LPIN1: variants seen among roughly 807,000 people sequenced by gnomAD.
LPIN1 encodes lipin 1.
A neutral mutation model predicts 107.5 loss-of-function variants in LPIN1; 71 were observed. The ratio of observed to expected loss-of-function variants is 0.66; its 90% CI spans 0.55 to 0.80. The LOEUF is 0.80. Among genes scored for constraint, LPIN1 ranks in the 30% least tolerant of loss-of-function variants. The pLI is 0.00. For missense variants in LPIN1, 1,043 were observed against 1,160.6 expected, an observed-to-expected ratio of 0.90 and a Z score of 1.47; for synonymous variants, 445 against 452.6, an observed-to-expected ratio of 0.98 and a Z score of 0.21.
At chr2:11,723,841 G>T (rs1296600449), upstream of LPIN1, 3 of 152,156 alleles carry the variant, frequency 2.0e-5, no homozygotes, top group Non-Finnish European at 2.9e-5. Context: ...TCTAATTTTA[G>T]TTGATTGGAC....
Position 11,786,166 on chromosome 2 carries a change from G to A in LPIN1, c.1550-908G>A, listed in dbSNP as rs890679342. Among the ~76,000 whole-genome samples the A allele has an allele frequency of 6.6e-6, 1 of 152,130 alleles. No individual in the cohort carries two copies. On this transcript the variant is annotated intron_variant, in intron 10 of 20. Transcript: ENST00000674199. This position sits in a 1 kb window ranked among gnomAD's most constrained non-coding sequence, Gnocchi z 4.1. ...CAGTCCTTACAGGTGAGGCCAGATCGTCACAGTCAGGAGACCCCAGGAGAG... is the reference window on the plus strand; with the variant it reads ...CAGTCCTTACAGGTGAGGCCAGATCATCACAGTCAGGAGACCCCAGGAGAG...
rs113864436 is a variant in LPIN1, at chr2:11,765,764, C to G, written c.192+31C>G. 2 of 1,590,918 alleles carry G rather than the reference C, an allele frequency of 1.3e-6. No homozygotes were observed. Among genetic ancestry groups the G allele is most frequent in the East Asian group, 2.2e-5 (1 of 44,598 alleles). On this transcript the variant is annotated intron_variant, in intron 2 of 20. Coordinates refer to ENST00000674199, the MANE Select transcript of LPIN1 (RefSeq NM_001349206.2). The surrounding 1 kb of genome is among the most constrained non-coding windows in gnomAD (Gnocchi z 4.4). ...CTCTCAGGGCACGGGGACCTGGCAC[C>G]GGCTCTCCTTAGAGAATGCCCTTGT...
intron 14 of LPIN1, among the ~76,000 whole-genome samples, chr2:11,796,518 G>A (rs942166428): frequency 6.6e-6 from 1 of 152,134 alleles, no homozygotes. Flanking sequence ...CGAGTGTGCG[G>A]GACCTGGTAG....
intron 7 of LPIN1, among the ~76,000 whole-genome samples, chr2:11,781,085 C>T (rs1279111648): frequency 3.3e-5 from 5 of 152,204 alleles, no homozygotes; most frequent in Non-Finnish European, 7.4e-5. Context: ...GCTATAGCCT[C>T]TTGCATCCCC....
chr2:11,746,774 G>A, intron 1 of LPIN1, 103 bp downstream of exon 1: 1 of 550,926 alleles, frequency 1.8e-6, no homozygotes, highest in South Asian at 7.8e-5. Context: ...CGCGTGGCGA[G>A]GCGGGGGCTC....
rs1477137750 is a variant in LPIN1, at chr2:11,694,098, T to C, written c.81+16370T>C. ...ATCCACCTGCCTTGGCCTCCCAAAG[T>C]GCTGGGATTACATGCGTGAGCCACC... On this transcript the variant is annotated intron_variant, in intron 1 of 21. Transcript: ENST00000449576. Among the ~76,000 whole-genome samples, 4 of 151,864 alleles carry C rather than the reference T, an allele frequency of 2.6e-5. No homozygotes were observed. In the East Asian group the frequency reaches 7.7e-4, roughly 29 times the overall value.
rs1406760810 is a variant in LPIN1 at position 11,791,665 on chromosome 2, T to G, written c.1714-249T>G. Reference sequence around the variant, plus strand: ...TTTTTTTGTTGTTGTTGTTGTGTTGTATTTTATTTGTTGTTTGTTTATTCC... The same window carrying G: ...TTTTTTTGTTGTTGTTGTTGTGTTGGATTTTATTTGTTGTTTGTTTATTCC... On this transcript the variant is annotated intron_variant, in intron 12 of 20. Coordinates refer to ENST00000674199, the MANE Select transcript of LPIN1 (RefSeq NM_001349206.2). 3 of 1,323,960 alleles carry G rather than the reference T, an allele frequency of 2.3e-6. No homozygotes were observed. The East Asian group carries it at 1.3e-4, about 57-fold the overall frequency. 82.0% of individuals were successfully genotyped at this position (1,323,960 alleles called of 1,614,324 possible).
At chr2:11,693,936 G>A (rs1336945019) in intron 1 of LPIN1, among the ~76,000 whole-genome samples, 6 of 142,274 alleles carry the variant, frequency 4.2e-5, no homozygotes, top group African/African-American at 1.6e-4. Flanking sequence ...CTGGGTTCAA[G>A]TGATTCTCCT....
chr2:11,748,123 G>GT (rs1431031532), intron 1 of LPIN1, among the ~76,000 whole-genome samples: 2 of 152,330 alleles, frequency 1.3e-5, no homozygotes, highest in East Asian at 3.9e-4. Context: ...GGGATTCCTG[G>GT]TTGTAGGGGG....
intron 19 of LPIN1, 148 bp from the exon 20 acceptor site, chr2:11,820,263 T>G (rs1681283803): frequency 3.1e-6 from 2 of 648,736 alleles, no homozygotes; most frequent in South Asian, 3.5e-5. Flanking sequence ...TAGTTTCCCA[T>G]CAAAGGATAT....
chr2:11,824,596 C>G lies in LPIN1; in HGVS notation c.2622-36C>G, dbSNP rs200886792. The G allele has an allele frequency of 2.0e-4, 324 of 1,612,468 alleles. 1 individual carries two copies. Among genetic ancestry groups the G allele is most frequent in the Non-Finnish European group, 2.6e-4 (304 of 1,178,712 alleles). On this transcript the variant is annotated intron_variant, in intron 20 of 20. Transcript: ENST00000674199. ...GCAGCCCTGGGTGCATAGCTGGTAT[C>G]GCTCAGTGCCAGTGACAATGTCCCT...
chr2:11,744,323 T>A (rs1406453686), upstream of LPIN1, among the ~76,000 whole-genome samples: 2 of 152,224 alleles, frequency 1.3e-5, no homozygotes, highest in Non-Finnish European at 2.9e-5. Flanking sequence ...CCAGGGGGAC[T>A]CCAGCCAGTG....
At chr2:11,689,977 C>T (rs552122702) in intron 1 of LPIN1, among the ~76,000 whole-genome samples, 1 of 152,342 alleles carries the variant, frequency 6.6e-6, no homozygotes, top group South Asian at 2.1e-4. Flanking sequence ...TTTATTACTT[C>T]TATACTCCTG....
At chr2:11,821,898 A>G (rs985044396) in intron 20 of LPIN1, among the ~76,000 whole-genome samples, 1 of 152,210 alleles carries the variant, frequency 6.6e-6, no homozygotes, top group African/African-American at 2.4e-5. Flanking sequence ...AGGCAGTGCC[A>G]GGCTGCTTCC....
rs771049586 is a variant in LPIN1, at chr2:11,784,915, C to T, written c.1388C>T (p.Ala463Val). 9 of 1,613,866 alleles carry T rather than the reference C, an allele frequency of 5.6e-6. No homozygotes were observed. Among genetic ancestry groups the T allele is most frequent in the Admixed American group, 5.0e-5 (3 of 60,006 alleles). The change falls in exon 10 of 21, where the codon GCA (alanine) becomes GTA (valine). Residue 463 changes from alanine to valine, a missense_variant. By Grantham distance (64) the Ala-to-Val change is moderately conservative. Coordinates refer to ENST00000674199, the MANE Select transcript of LPIN1 (RefSeq NM_001349206.2). ...NGDPSGLAKH[A>V]SDNGARSANQ... ...GATCCTTCCGGACTCGCAAAACATG[C>T]AAGCGACAACGGAGCCCGGTCAGCC...
intron 14 of LPIN1, among the ~76,000 whole-genome samples, chr2:11,801,931 A>T (rs931959687): frequency 1.3e-5 from 2 of 152,186 alleles, no homozygotes. Flanking sequence ...AAAATAAAAA[A>T]TACGAAAGAC....
chr2:11,706,930 A>C (rs1663156598), intron 1 of LPIN1, among the ~76,000 whole-genome samples: 1 of 152,168 alleles, frequency 6.6e-6, no homozygotes, highest in African/African-American at 2.4e-5. Context: ...GCTTTTATCA[A>C]AATATCAAAA....
upstream of LPIN1, among the ~76,000 whole-genome samples, chr2:11,723,276 G>T (rs574454992): frequency 1.9e-4 from 29 of 152,338 alleles, no homozygotes; most frequent in African/African-American, 6.5e-4. Flanking sequence ...TTTCCTGAAT[G>T]TAGAGATTTG....
intron 1 of LPIN1, among the ~76,000 whole-genome samples, chr2:11,749,192 C>T (rs1667418234): frequency 6.6e-6 from 1 of 152,212 alleles, no homozygotes; most frequent in Admixed American, 6.5e-5. Context: ...ACAGGTTCTT[C>T]ATTCAGAAGA....
Sources: allele counts gnomAD v4.1 joint callset (sites outside exome capture counted in the v4.1 genomes callset), GRCh38; gene constraint gnomAD v4.1.1; non-coding constraint Gnocchi (gnomAD v3.1); transcripts MANE v1.5; gene names NCBI Gene and HGNC (gene_info 2026-07-23, HGNC 2026-07-21).